CCSER1: variants seen among roughly 807,000 people sequenced by gnomAD.
CCSER1 encodes serine-rich coiled-coil domain-containing protein 1.
A neutral mutation model predicts 82.0 loss-of-function variants in CCSER1; 41 were observed. The ratio of observed to expected loss-of-function variants is 0.50; its 90% CI spans 0.39 to 0.65. The LOEUF (loss-of-function observed/expected upper bound fraction) is 0.65, where lower values mean the gene tolerates loss of function less well. CCSER1 is among the 30% of genes least tolerant of loss of function. CCSER1 has a pLI of 0.00. For missense variants in CCSER1, 1,119 were observed against 1,064.2 expected, an observed-to-expected ratio of 1.05 and a Z score of -0.72; for synonymous variants, 414 against 383.9, an observed-to-expected ratio of 1.08 and a Z score of -0.92.
chr4:91,146,438 A>G lies in CCSER1; in HGVS notation c.2217+60444A>G, dbSNP rs546103335. Among the ~76,000 whole-genome samples, 444 of 152,262 alleles carry G rather than the reference A, an allele frequency of 2.9e-3. 1 individual carries two copies. The highest frequency in any genetic ancestry group is 0.01 in the African/African-American group (418 of 41,550). On this transcript the variant is annotated intron_variant, in intron 10 of 10. Transcript: ENST00000509176. The stretch of plus-strand genomic sequence containing the variant: ...TATGTCTGTCATTTCAGACATTTCA[A>G]TCTGGTTAGGATCCACCAGGGAGCT...
intron 10 of CCSER1, among the ~76,000 whole-genome samples, chr4:91,245,956 A>C (rs1248459474): frequency 6.6e-6 from 1 of 152,110 alleles, no homozygotes; most frequent in Non-Finnish European, 1.5e-5. Flanking sequence ...TCGGCCTCCC[A>C]AAGTGTTGGG....
chr4:90,753,066 T>G lies in CCSER1; in HGVS notation c.2010+29075T>G, dbSNP rs1265264065. 2.0e-5 allele frequency among the ~76,000 whole-genome samples: 3 copies of G among 152,254 alleles called. No individual in the cohort carries two copies. The East Asian group carries it at 5.8e-4, about 29-fold the overall frequency. On this transcript the variant is annotated intron_variant, in intron 7 of 10. Transcript: ENST00000509176. Reference sequence around the variant, plus strand: ...AAACATAGTGTATTAACATGTGCACTGCACATGATGTGAGAGAAACCTCAA... The same window carrying G: ...AAACATAGTGTATTAACATGTGCACGGCACATGATGTGAGAGAAACCTCAA...
At chr4:90,755,475 C>A (rs765784568) in intron 7 of CCSER1, among the ~76,000 whole-genome samples, 1 of 152,088 alleles carries the variant, frequency 6.6e-6, no homozygotes, top group Admixed American at 6.6e-5. Flanking sequence ...TGACTCAAAC[C>A]CATTAGCTTG....
chr4:90,748,357 G>C (rs1747908786), intron 7 of CCSER1, among the ~76,000 whole-genome samples: 1 of 150,258 alleles, frequency 6.7e-6, no homozygotes, highest in Non-Finnish European at 1.5e-5. Context: ...CCCTACAAAG[G>C]ACATGAACTC....
intron 5 of CCSER1, among the ~76,000 whole-genome samples, chr4:90,548,071 A>T (rs1173637299): frequency 6.6e-6 from 1 of 152,126 alleles, no homozygotes; most frequent in African/African-American, 2.4e-5. Flanking sequence ...GTATTCTTAC[A>T]TCTCTGAAAG....
At chr4:91,097,464 C>T (rs1724620573) in intron 10 of CCSER1, among the ~76,000 whole-genome samples, 1 of 152,026 alleles carries the variant, frequency 6.6e-6, no homozygotes. Flanking sequence ...ACAGTCTTGG[C>T]AGGGATAATG....
At chr4:90,994,964 C>T (rs761615217) in intron 9 of CCSER1, among the ~76,000 whole-genome samples, 9 of 152,108 alleles carry the variant, frequency 5.9e-5, no homozygotes, top group South Asian at 2.1e-4. Flanking sequence ...TAATGCTTAC[C>T]GCTTGCCAAC....
At chr4:91,048,508 C>T (rs1742713499) in intron 9 of CCSER1, among the ~76,000 whole-genome samples, 2 of 152,120 alleles carry the variant, frequency 1.3e-5, no homozygotes, top group South Asian at 4.1e-4. Context: ...ATGGTAATTG[C>T]ACCTGAAATA....
chr4:91,399,819 T>A (rs77200054), intron 10 of CCSER1, among the ~76,000 whole-genome samples: 3,583 of 152,120 alleles, frequency 0.024, 118 homozygotes, highest in African/African-American at 0.08. Context: ...TGAGGTAAAT[T>A]TATAGTCATG....
intron 10 of CCSER1, among the ~76,000 whole-genome samples, chr4:91,203,123 G>C (rs547728406): frequency 1.3e-5 from 2 of 151,812 alleles, no homozygotes; most frequent in Admixed American, 1.3e-4. Flanking sequence ...CAGTGTAAAA[G>C]TGTTCCTATT....
chr4:90,719,571 G>T (rs1043269981), intron 6 of CCSER1, among the ~76,000 whole-genome samples: 2 of 152,086 alleles, frequency 1.3e-5, no homozygotes, highest in Admixed American at 6.6e-5. Flanking sequence ...CTTTCTCAGT[G>T]AAAGTTTCTC....
intron 5 of CCSER1, among the ~76,000 whole-genome samples, chr4:90,627,817 A>G (rs1474219349): frequency 6.6e-6 from 1 of 152,052 alleles, no homozygotes; most frequent in Non-Finnish European, 1.5e-5. Context: ...CATCTCTACT[A>G]AGAATACAAG....
chr4:90,151,998 T>A (rs1237640533), intron 1 of CCSER1, among the ~76,000 whole-genome samples: 1 of 152,174 alleles, frequency 6.6e-6, no homozygotes, highest in Non-Finnish European at 1.5e-5. Flanking sequence ...AGTAAAGGAA[T>A]CACCACTGAA....
intron 1 of CCSER1, among the ~76,000 whole-genome samples, chr4:90,275,157 C>T (rs915794987): frequency 1.3e-5 from 2 of 152,028 alleles, no homozygotes; most frequent in Non-Finnish European, 1.5e-5. Context: ...TATAAGTAGC[C>T]AGAACATGGT....
chr4:91,058,114 G>A (rs2148727007), intron 9 of CCSER1, among the ~76,000 whole-genome samples: 1 of 152,136 alleles, frequency 6.6e-6, no homozygotes, highest in East Asian at 1.9e-4. Context: ...TCATCACCCA[G>A]GTGTTAAGCC....
At chr4:91,059,898 T>G (rs986063476) in intron 9 of CCSER1, among the ~76,000 whole-genome samples, 1 of 152,082 alleles carries the variant, frequency 6.6e-6, no homozygotes, top group Non-Finnish European at 1.5e-5. Flanking sequence ...CTCATTAGTC[T>G]GAGTAGTGAC....
intron 10 of CCSER1, among the ~76,000 whole-genome samples, chr4:91,452,260 C>T (rs1330692603): frequency 6.6e-6 from 1 of 151,984 alleles, no homozygotes; most frequent in Non-Finnish European, 1.5e-5. Context: ...TCACAGATCC[C>T]ATGAACCTAG....
intron 10 of CCSER1, among the ~76,000 whole-genome samples, chr4:91,253,526 C>G (rs2149151638): frequency 6.6e-6 from 1 of 152,102 alleles, no homozygotes; most frequent in African/African-American, 2.4e-5. Context: ...CAAATAGATA[C>G]TTATGAAAGT....
At chr4:90,305,542 T>C (rs1734108987) in intron 1 of CCSER1, among the ~76,000 whole-genome samples, 2 of 152,218 alleles carry the variant, frequency 1.3e-5, no homozygotes, top group Admixed American at 1.3e-4. Flanking sequence ...TTGGAAAATC[T>C]AAGCTGTGAG....
Sources: gnomAD v4.1 joint callset for allele counts (sites outside exome capture counted in the v4.1 genomes callset) on GRCh38, gnomAD v4.1.1 for gene constraint, MANE v1.5 for transcripts, NCBI Gene and HGNC (gene_info 2026-07-23, HGNC 2026-07-21) for gene names.